ANK1: variants seen among roughly 807,000 people sequenced by gnomAD.
ANK1 encodes the protein ankyrin 1, also known as ankyrin-1.
A neutral mutation model predicts 210.4 loss-of-function variants in ANK1; 51 were observed. That is an observed-to-expected ratio of 0.24 (90% CI 0.19 to 0.31). The LOEUF is 0.31. Ranked by LOEUF, ANK1 falls within the 10% of genes least tolerant of loss-of-function variation. ANK1 has a pLI of 1.00. For synonymous variants in ANK1, 967 were observed against 1,025.9 expected (o/e 0.94, Z 1.10); for missense variants, 2,051 against 2,504.4 (o/e 0.82, Z 3.86).
chr8:41,780,530 G>C (rs1457271323), intron 1 of ANK1, among the ~76,000 whole-genome samples: 1 of 152,198 alleles, frequency 6.6e-6, no homozygotes, highest in African/African-American at 2.4e-5. Flanking sequence ...GAGGGGAGGG[G>C]ACGCTTCTCC....
At chr8:41,676,816 T>G (rs1052319715) in intron 37 of ANK1, among the ~76,000 whole-genome samples, 1 of 152,226 alleles carries the variant, frequency 6.6e-6, no homozygotes, top group African/African-American at 2.4e-5. Context: ...ATAAATGATA[T>G]TGGTTTGCAG....
At chr8:41,816,731 A>C (rs1803408362) in intron 1 of ANK1, among the ~76,000 whole-genome samples, 1 of 152,220 alleles carries the variant, frequency 6.6e-6, no homozygotes, top group South Asian at 2.1e-4. Context: ...GGTCTGGCCA[A>C]TAATATTCTT....
At chr8:41,802,272 G>A (rs1408828075), upstream of ANK1, among the ~76,000 whole-genome samples, 1 of 152,174 alleles carries the variant, frequency 6.6e-6, no homozygotes, top group Middle Eastern at 3.2e-3. Flanking sequence ...TTACAGGCAT[G>A]AGCCACCACG....
chr8:41,668,410 C>T lies in ANK1; in HGVS notation c.5251G>A (p.Glu1751Lys), dbSNP rs142163190. The T allele has an allele frequency of 1.8e-5, 29 of 1,614,112 alleles. No individual in the cohort carries two copies. The highest frequency in any genetic ancestry group is 3.3e-4 in the Middle Eastern group (2 of 6,084). ...GLEPGGSQEY[E>K]KVLVSVSEHT... is the part of the protein sequence containing the mutation. ...TCACTTACAGACACCAGGACCTTCT[C>T]GTACTCCTGAGATCCACCGGGCTCT... is the stretch of plus-strand genomic sequence containing the variant. Residue 1751 changes from glutamate to lysine, a missense_variant, in exon 39 of 43, where the codon GAG becomes AAG. Glu to Lys is a moderately conservative substitution (Grantham distance 56). Transcript: ENST00000289734.
intron 1 of ANK1, among the ~76,000 whole-genome samples, chr8:41,841,392 T>C (rs1270924931): frequency 6.6e-6 from 1 of 152,114 alleles, no homozygotes; most frequent in African/African-American, 2.4e-5. Context: ...GAGGGAGAGC[T>C]GGGGATTTGC....
chr8:41,891,098 C>A (rs185729755), intron 1 of ANK1, among the ~76,000 whole-genome samples: 2 of 151,974 alleles, frequency 1.3e-5, no homozygotes, highest in East Asian at 1.9e-4. Flanking sequence ...TTCTTGCAGG[C>A]GACAGTGTTG....
At chr8:41,672,059 A>T (rs1812573591) in intron 38 of ANK1, among the ~76,000 whole-genome samples, 3 of 150,846 alleles carry the variant, frequency 2.0e-5, no homozygotes. Context: ...CGGTGCCCTA[A>T]TGTCCCTAAG....
chr8:41,668,652 C>T (rs1563357969), intron 38 of ANK1, 88 bp from the exon 39 acceptor site: 1 of 1,383,072 alleles, frequency 7.2e-7, no homozygotes. Context: ...TTTAGACACT[C>T]TCCCCACCCA....
intron 1 of ANK1, among the ~76,000 whole-genome samples, chr8:41,841,116 C>T (rs532206257): frequency 6.6e-6 from 1 of 152,280 alleles, no homozygotes; most frequent in African/African-American, 2.4e-5. Flanking sequence ...TTCACTGCGG[C>T]AGTATTCACC....
chr8:41,844,533 T>G (rs890103854), intron 1 of ANK1, among the ~76,000 whole-genome samples: 22 of 151,612 alleles, frequency 1.5e-4, no homozygotes, highest in Non-Finnish European at 2.9e-4. Flanking sequence ...ACACACACAC[T>G]GCCACAGGGG....
intron 36 of ANK1, among the ~76,000 whole-genome samples, chr8:41,685,037 T>G (rs1817332089): frequency 1.3e-5 from 2 of 152,176 alleles, no homozygotes; most frequent in Admixed American, 6.5e-5. Flanking sequence ...CAAGCAATTC[T>G]CGTTCCTCAG....
chr8:41,675,783 C>G (rs1050513708), intron 37 of ANK1, among the ~76,000 whole-genome samples: 1 of 152,194 alleles, frequency 6.6e-6, no homozygotes, highest in Non-Finnish European at 1.5e-5. Context: ...CCAAACCATT[C>G]CCAGGTGACC....
rs368946827 is a variant in ANK1 at position 41,693,066 on chromosome 8, C to T, written c.3629+39G>A. The T allele has an allele frequency of 5.7e-5, 89 of 1,558,974 alleles. No homozygotes were observed. The African/African-American group carries it at 6.8e-4, about 12-fold the overall frequency. Reference sequence around the variant, plus strand: ...TGGACGGCAGCATAGAGCCTGAGGACGGCCCACACAATACTGGGCTGGGCT... The same window carrying T: ...TGGACGGCAGCATAGAGCCTGAGGATGGCCCACACAATACTGGGCTGGGCT... On this transcript the variant is annotated intron_variant, in intron 30 of 42. Coordinates refer to ENST00000289734, the MANE Select transcript of ANK1 (RefSeq NM_000037.4).
chr8:41,760,341 T>C (rs1245973180), intron 1 of ANK1, among the ~76,000 whole-genome samples: 1 of 152,096 alleles, frequency 6.6e-6, no homozygotes, highest in South Asian at 2.1e-4. Context: ...TGAGATCTGA[T>C]AGTTTTAAAA....
chr8:41,716,596 A>T (rs573694887), intron 13 of ANK1, among the ~76,000 whole-genome samples: 1 of 152,122 alleles, frequency 6.6e-6, no homozygotes, highest in African/African-American at 2.4e-5. Flanking sequence ...GCAAGGGGGA[A>T]CTCTCCAGTT....
intron 1 of ANK1, among the ~76,000 whole-genome samples, chr8:41,879,561 C>T (rs139833741): frequency 6.6e-6 from 1 of 152,328 alleles, no homozygotes; most frequent in African/African-American, 2.4e-5. Context: ...GGAGACCAAA[C>T]AATTCTGCCA....
intron 34 of ANK1, 32 bp downstream of exon 34, chr8:41,688,479 A>G (rs376983828): frequency 2.5e-6 from 4 of 1,607,274 alleles, no homozygotes; most frequent in Non-Finnish European, 3.4e-6. Flanking sequence ...TTGGGAAGGG[A>G]GCAAGCATGC....
chr8:41,698,398 G>T (rs1357340956), intron 23 of ANK1, among the ~76,000 whole-genome samples: 1 of 152,176 alleles, frequency 6.6e-6, no homozygotes, highest in Non-Finnish European at 1.5e-5. Context: ...CACTTGGTGT[G>T]CATTTCGATC....
At chr8:41,692,988 G>A in intron 30 of ANK1, 112 bp from the exon 31 acceptor site, 1 of 1,515,934 alleles carries the variant, frequency 6.6e-7, no homozygotes, top group Non-Finnish European at 9.2e-7. Flanking sequence ...CACACCTGTG[G>A]TCACGGAGGC....
Sources: allele counts gnomAD v4.1 joint callset (sites outside exome capture counted in the v4.1 genomes callset), GRCh38; gene constraint gnomAD v4.1.1; transcripts MANE v1.5; gene names NCBI Gene and HGNC (gene_info 2026-07-23, HGNC 2026-07-21).